The following KCND2 variants were observed in gnomAD, a reference collection of about 807,000 sequenced individuals.
The protein encoded by KCND2 is potassium voltage-gated channel subfamily D member 2, also known as A-type voltage-gated potassium channel KCND2.
A neutral mutation model predicts 54.4 loss-of-function variants in KCND2; 16 were observed. That is an observed-to-expected ratio of 0.29 (90% CI 0.20 to 0.45). The LOEUF (loss-of-function observed/expected upper bound fraction) is 0.45, where lower values mean the gene tolerates loss of function less well. Ranked by LOEUF, KCND2 falls within the 20% of genes least tolerant of loss-of-function variation. The pLI is 1.00. For synonymous variants in KCND2, 317 were observed against 310.7 expected (o/e 1.02, Z -0.21); for missense variants, 486 against 824.2 (o/e 0.59, Z 5.02).
At chr7:120,614,196 A>G (rs1176622644) in intron 1 of KCND2, among the ~76,000 whole-genome samples, 4 of 152,140 alleles carry the variant, frequency 2.6e-5, no homozygotes, top group African/African-American at 9.6e-5. Context: ...TATTTTCAGT[A>G]GAGACAGGGT....
At chr7:120,380,683 GA>G (rs1800905432) in intron 1 of KCND2, among the ~76,000 whole-genome samples, 1 of 151,680 alleles carries the variant, frequency 6.6e-6, no homozygotes, top group Non-Finnish European at 1.5e-5. Context: ...ATTTTTCTGA[GA>G]AAAATATCCA....
chr7:120,581,391 A>C (rs368474112), intron 1 of KCND2, among the ~76,000 whole-genome samples: 4 of 152,212 alleles, frequency 2.6e-5, no homozygotes, highest in Admixed American at 6.5e-5. Flanking sequence ...AGTATGTGTA[A>C]GTGTATGCAT....
chr7:120,371,190 A>G (rs1229078467), intron 1 of KCND2, among the ~76,000 whole-genome samples: 1 of 152,026 alleles, frequency 6.6e-6, no homozygotes, highest in East Asian at 1.9e-4. Context: ...AAAGCAAGTC[A>G]TGTGACCATC....
chr7:120,501,385 C>T (rs1802930098), intron 1 of KCND2, among the ~76,000 whole-genome samples: 1 of 152,088 alleles, frequency 6.6e-6, no homozygotes, highest in Admixed American at 6.6e-5. Flanking sequence ...AGAATAACTG[C>T]ATGCAGAAAA....
At chr7:120,546,943 A>G (rs1253916190) in intron 1 of KCND2, among the ~76,000 whole-genome samples, 1 of 151,836 alleles carries the variant, frequency 6.6e-6, no homozygotes, top group Admixed American at 6.6e-5. Flanking sequence ...ATTCTCGGTG[A>G]ATATAATTTT....
intron 1 of KCND2, among the ~76,000 whole-genome samples, chr7:120,623,655 G>A (rs549014464): frequency 2.4e-4 from 36 of 152,256 alleles, no homozygotes; most frequent in African/African-American, 7.9e-4. Flanking sequence ...TTGAGAGATA[G>A]TCAATAATAT....
intron 1 of KCND2, among the ~76,000 whole-genome samples, chr7:120,660,449 A>T (rs1791851942): frequency 6.6e-6 from 1 of 152,186 alleles, no homozygotes; most frequent in South Asian, 2.1e-4. Flanking sequence ...CCTATATATT[A>T]TTACCTCCTA....
chr7:120,451,422 G>A (rs999766552), intron 1 of KCND2, among the ~76,000 whole-genome samples: 1 of 152,088 alleles, frequency 6.6e-6, no homozygotes, highest in Non-Finnish European at 1.5e-5. Flanking sequence ...AGGCCATGTA[G>A]CTTATTTAGA....
chr7:120,661,786 G>A (rs1425024589), intron 1 of KCND2, among the ~76,000 whole-genome samples: 1 of 152,168 alleles, frequency 6.6e-6, no homozygotes, highest in East Asian at 1.9e-4. Context: ...TCTGTGAGTG[G>A]CCTTTCAGTT....
chr7:120,290,436 C>T (rs7801487), intron 1 of KCND2, among the ~76,000 whole-genome samples: 106,201 of 151,506 alleles, frequency 0.7, 41,802 homozygotes, highest in South Asian at 0.92. Flanking sequence ...TATTTATGCT[C>T]TTTCACCATT....
intron 1 of KCND2, among the ~76,000 whole-genome samples, chr7:120,696,831 C>T (rs1192888414): frequency 2.0e-5 from 3 of 152,164 alleles, no homozygotes; most frequent in Non-Finnish European, 4.4e-5. Flanking sequence ...CCTTCAGCAT[C>T]AGGAGCCAAA....
At chr7:120,392,244 C>T (rs983498805) in intron 1 of KCND2, among the ~76,000 whole-genome samples, 23 of 151,648 alleles carry the variant, frequency 1.5e-4, no homozygotes, top group South Asian at 1.2e-3. Flanking sequence ...GTGTTATTTC[C>T]GAGGCCTCTG....
At chr7:120,491,341 A>G (rs1802776153) in intron 1 of KCND2, among the ~76,000 whole-genome samples, 1 of 152,128 alleles carries the variant, frequency 6.6e-6, no homozygotes, top group African/African-American at 2.4e-5. Flanking sequence ...CAAGGAACTA[A>G]TGTGTTGTTC....
chr7:120,517,960 A>G (rs1803219857), intron 1 of KCND2, among the ~76,000 whole-genome samples: 1 of 152,068 alleles, frequency 6.6e-6, no homozygotes, highest in African/African-American at 2.4e-5. Context: ...CATTCCCTAC[A>G]GTTACCCTTT....
chr7:120,575,160 A>T (rs1041633890), intron 1 of KCND2, among the ~76,000 whole-genome samples: 2 of 152,178 alleles, frequency 1.3e-5, no homozygotes, highest in Non-Finnish European at 2.9e-5. Context: ...ATTGACTCAC[A>T]TGATCACAAA....
chr7:120,544,014 AG>A lies in KCND2; in HGVS notation c.1116-188888del, dbSNP rs372184267. ...CATGGAAATTACTACATGACTCCTGAGAAAGCAAATACTGATGATTACTGTC... is the reference window on the plus strand; with the variant it reads ...CATGGAAATTACTACATGACTCCTGAAAAGCAAATACTGATGATTACTGTC... On this transcript the variant is annotated intron_variant, in intron 1 of 5. Transcript: ENST00000331113. Among the ~76,000 whole-genome samples, 612 of 152,150 alleles carry A rather than the reference AG, an allele frequency of 4.0e-3. 4 individuals are homozygous for A. Among genetic ancestry groups the A allele is most frequent in the African/African-American group, 0.014 (577 of 41,550 alleles).
chr7:120,568,549 T>C (rs1011485290), intron 1 of KCND2, among the ~76,000 whole-genome samples: 2 of 152,126 alleles, frequency 1.3e-5, no homozygotes, highest in African/African-American at 4.8e-5. Flanking sequence ...ACTTAAAATA[T>C]GTGGCAAATG....
intron 1 of KCND2, among the ~76,000 whole-genome samples, chr7:120,489,698 G>C (rs1468110916): frequency 6.6e-6 from 1 of 152,074 alleles, no homozygotes; most frequent in Non-Finnish European, 1.5e-5. Flanking sequence ...TGTTAATCTT[G>C]AATTAGTGGT....
intron 1 of KCND2, among the ~76,000 whole-genome samples, chr7:120,608,560 A>G (rs1235825186): frequency 6.6e-6 from 1 of 152,158 alleles, no homozygotes; most frequent in African/African-American, 2.4e-5. Flanking sequence ...TTTCCAGAAG[A>G]ACAATGCTGA....
Sources: gnomAD v4.1 joint callset for allele counts (sites outside exome capture counted in the v4.1 genomes callset) on GRCh38, gnomAD v4.1.1 for gene constraint, MANE v1.5 for transcripts, NCBI Gene and HGNC (gene_info 2026-07-23, HGNC 2026-07-21) for gene names.